PLEKHG1: variants seen among roughly 807,000 people sequenced by gnomAD.
The protein encoded by PLEKHG1 is pleckstrin homology domain-containing family G member 1.
PLEKHG1 carries 44 observed loss-of-function variants against 100.8 expected under a neutral mutation model. The observed-to-expected ratio is 0.44, with a 90% CI of 0.34 to 0.56. The LOEUF is 0.56. Ranked by LOEUF, PLEKHG1 falls within the 20% of genes least tolerant of loss-of-function variation. The pLI is 0.01. For synonymous variants in PLEKHG1, 640 were observed against 662.5 expected (o/e 0.97, Z 0.52); for missense variants, 1,545 against 1,720.9 (o/e 0.90, Z 1.81).
At chr6:150,734,070 A>G in exon 2 of PLEKHG1, 1 of 1,611,242 alleles carries the variant, frequency 6.2e-7, no homozygotes, top group Non-Finnish European at 8.5e-7. Flanking sequence ...ACTTATGTAC[A>G]AGATTTAAAA....
At chr6:150,649,059 T>A (rs574046150) in intron 2 of PLEKHG1, among the ~76,000 whole-genome samples, 15 of 152,298 alleles carry the variant, frequency 9.8e-5, no homozygotes, top group South Asian at 6.2e-4. Flanking sequence ...GCTTTTTTTT[T>A]AATTTGTCTT....
At chr6:150,742,381 A>G (rs1162711776) in intron 2 of PLEKHG1, among the ~76,000 whole-genome samples, 2 of 152,256 alleles carry the variant, frequency 1.3e-5, no homozygotes, top group Non-Finnish European at 2.9e-5. Context: ...CCTGGCCAAC[A>G]TGGTGAAACC....
At chr6:150,796,215 C>T (rs777173208) in intron 5 of PLEKHG1, among the ~76,000 whole-genome samples, 15 of 152,174 alleles carry the variant, frequency 9.9e-5, no homozygotes, top group Non-Finnish European at 2.1e-4. Flanking sequence ...TGCCTGCTCA[C>T]CCTTTTCTGT....
At chr6:150,832,274 C>G in intron 15 of PLEKHG1, 69 bp downstream of exon 16, 1 of 1,294,908 alleles carries the variant, frequency 7.7e-7, no homozygotes, top group South Asian at 1.4e-5. Flanking sequence ...TTTCAGATGT[C>G]CTTAAAACGG....
At chr6:150,632,236 G>T (rs185970173) in intron 1 of PLEKHG1, among the ~76,000 whole-genome samples, 67 of 152,320 alleles carry the variant, frequency 4.4e-4, no homozygotes, top group African/African-American at 1.6e-3. Flanking sequence ...AATCACCAGG[G>T]TATGGGCCAC....
intron 7 of PLEKHG1, among the ~76,000 whole-genome samples, chr6:150,805,266 T>TA: frequency 6.6e-6 from 1 of 152,226 alleles, no homozygotes; most frequent in Non-Finnish European, 1.5e-5. Context: ...ATTGTTTGCT[T>TA]ATAGCCCCTT....
At chr6:150,674,495 A>T (rs1343167531) in intron 3 of PLEKHG1, among the ~76,000 whole-genome samples, 1 of 152,204 alleles carries the variant, frequency 6.6e-6, no homozygotes, top group Non-Finnish European at 1.5e-5. Flanking sequence ...ATATCCACCT[A>T]AATGAAGAGT....
chr6:150,784,795 G>A (rs541202535), intron 3 of PLEKHG1, among the ~76,000 whole-genome samples: 1 of 152,196 alleles, frequency 6.6e-6, no homozygotes, highest in Admixed American at 6.5e-5. Flanking sequence ...TTTAACTCCA[G>A]GGAAAACATG....
chr6:150,720,972 T>G (rs909265213), upstream of PLEKHG1: 7 of 155,956 alleles, frequency 4.5e-5, no homozygotes, highest in African/African-American at 1.7e-4. Flanking sequence ...AGGCTCTTAG[T>G]GATGCTGAAG....
exon 16 of PLEKHG1, chr6:150,840,944 A>G: frequency 7.3e-7 from 1 of 1,377,510 alleles, no homozygotes; most frequent in Non-Finnish European, 1.0e-6. Flanking sequence ...TTGCTCATAA[A>G]ACGTTACAGA....
At chr6:150,752,270 T>G (rs1204546321) in intron 2 of PLEKHG1, among the ~76,000 whole-genome samples, 1 of 152,036 alleles carries the variant, frequency 6.6e-6, no homozygotes, top group African/African-American at 2.4e-5. Context: ...TTTGTAAAGG[T>G]TTTTCATTGT....
intron 1 of PLEKHG1, among the ~76,000 whole-genome samples, chr6:150,723,248 G>T (rs1292065267): frequency 6.6e-6 from 1 of 152,080 alleles, no homozygotes; most frequent in African/African-American, 2.4e-5. Flanking sequence ...ACCCCGGGGG[G>T]TGCAGAGCCA....
At chr6:150,765,967 C>A (rs1024002838) in intron 2 of PLEKHG1, among the ~76,000 whole-genome samples, 1 of 152,180 alleles carries the variant, frequency 6.6e-6, no homozygotes, top group African/African-American at 2.4e-5. Flanking sequence ...CAAGTCAGAT[C>A]TACTTGGATA....
chr6:150,615,530 A>G (rs1008567593), intron 1 of PLEKHG1, among the ~76,000 whole-genome samples: 1 of 152,148 alleles, frequency 6.6e-6, no homozygotes, highest in Non-Finnish European at 1.5e-5. Context: ...CAGCCCCTTC[A>G]TCTTTCTAAA....
intron 3 of PLEKHG1, among the ~76,000 whole-genome samples, chr6:150,778,215 C>T (rs985258482): frequency 2.6e-5 from 4 of 152,118 alleles, no homozygotes; most frequent in African/African-American, 9.7e-5. Context: ...GTATCCTCCG[C>T]CTCCCAGGTT....
At chr6:150,617,298 G>C (rs536706456) in intron 1 of PLEKHG1, among the ~76,000 whole-genome samples, 1 of 152,186 alleles carries the variant, frequency 6.6e-6, no homozygotes, top group South Asian at 2.1e-4. Context: ...GAAGAATTAA[G>C]AGACTTCCTT....
chr6:150,733,974 C>T (rs763857661), exon 2 of PLEKHG1: 1 of 1,614,154 alleles, frequency 6.2e-7, no homozygotes, highest in Non-Finnish European at 8.5e-7. Context: ...TCAAACGGGG[C>T]ACCCAAGACG....
intron 1 of PLEKHG1, among the ~76,000 whole-genome samples, chr6:150,722,193 C>G (rs2128610076): frequency 6.6e-6 from 1 of 152,166 alleles, no homozygotes; most frequent in East Asian, 1.9e-4. Context: ...ATTTTACTCA[C>G]TGTATATTAT....
chr6:150,757,267 C>T lies in PLEKHG1; in HGVS notation c.412-11371C>T, dbSNP rs142997571. ...CTGCCCTCCTTGGCCTCCCAAAGTG[C>T]TGGGATTACAGGCGTGAGCCACCGC... On this transcript the variant is annotated intron_variant, in intron 2 of 15. Transcript: ENST00000358517. Among the ~76,000 whole-genome samples, 761 of 152,262 alleles carry T rather than the reference C, an allele frequency of 5.0e-3. 6 individuals carry two copies. The highest frequency in any genetic ancestry group is 0.018 in the African/African-American group (731 of 41,554).
Sources: allele counts gnomAD v4.1 joint callset (sites outside exome capture counted in the v4.1 genomes callset), GRCh38; gene constraint gnomAD v4.1.1; transcripts MANE v1.5; gene names NCBI Gene and HGNC (gene_info 2026-07-23, HGNC 2026-07-21).